The following PARPBP variants were observed in gnomAD, a reference collection of about 807,000 sequenced individuals.
The protein encoded by PARPBP is PCNA-interacting partner.
Under a neutral mutation model 50.0 loss-of-function variants are expected in PARPBP, and 52 were observed. The observed-to-expected ratio is 1.04, with a 90% CI of 0.83 to 1.31. PARPBP has a LOEUF of 1.31. Among genes scored for constraint, PARPBP ranks in the 50% most tolerant of loss-of-function variants. The pLI, the probability that PARPBP is intolerant of heterozygous loss-of-function variation, is 0.00. For missense variants in PARPBP, 697 were observed against 672.0 expected, an observed-to-expected ratio of 1.04 and a Z score of -0.41; for synonymous variants, 244 against 232.1, an observed-to-expected ratio of 1.05 and a Z score of -0.47.
Position 102,182,618 on chromosome 12 carries a change from A to G in PARPBP, c.1254A>G (p.Lys418=). The part of the protein sequence containing the change: ...RERICVSMQE[K]KIKMKQTLIR... ...GCATCTGTGTGTCAATGCAAGAGAAAAAAATTAAGGTACAATTTAATGCAT... is the reference window on the plus strand; with the variant it reads ...GCATCTGTGTGTCAATGCAAGAGAAGAAAATTAAGGTACAATTTAATGCAT... Residue 418 remains lysine (K), a synonymous_variant, in exon 9 of 11, where the codon AAA becomes AAG. Transcript: ENST00000327680. 1 of 1,607,094 alleles carries G rather than the reference A, an allele frequency of 6.2e-7. No homozygotes were observed. The highest frequency in any genetic ancestry group is 8.5e-7 in the Non-Finnish European group (1 of 1,174,224).
At chr12:102,143,442 A>G (rs918858488) in intron 2 of PARPBP, among the ~76,000 whole-genome samples, 2 of 152,140 alleles carry the variant, frequency 1.3e-5, no homozygotes, top group Non-Finnish European at 2.9e-5. Context: ...CCCGGGTGAG[A>G]TGATGCCCTG....
rs1249480272 is a variant in PARPBP at position 102,196,119 on chromosome 12, A to G, written c.1568A>G (p.Asp523Gly). 4 of 1,612,072 alleles carry G rather than the reference A, an allele frequency of 2.5e-6. No individual in the cohort carries two copies. Among genetic ancestry groups the G allele is most frequent in the African/African-American group, 2.7e-5 (2 of 74,838 alleles). ...TTGGATGGTGAAAATATTCTCTGTG[A>G]TAATAGAAATGAACCACCTCAACAT... ...VDLDGENILCDNRNEPPQHKN... is the reference protein window; with the variant it reads ...VDLDGENILCGNRNEPPQHKN... Residue 523 changes from aspartate to glycine, a missense_variant, in exon 11 of 11, where the codon GAT (aspartate) becomes GGT (glycine). By Grantham distance (94) the Asp-to-Gly change is moderately conservative. Transcript: ENST00000327680.
chr12:102,154,685 CAGAT>C (rs1419299854), intron 4 of PARPBP: 2 of 367,052 alleles, frequency 5.4e-6, no homozygotes, highest in East Asian at 7.4e-5. Context: ...CATCACATGA[CAGAT>C]AGAGAAGGAA....
intron 1 of PARPBP, among the ~76,000 whole-genome samples, chr12:102,121,786 C>T (rs189160432): frequency 1.3e-5 from 2 of 152,126 alleles, no homozygotes. Flanking sequence ...TTAGGTGAGC[C>T]TCGGCTTCCC....
intron 2 of PARPBP, among the ~76,000 whole-genome samples, chr12:102,133,717 G>T (rs10860840): frequency 0.39 from 58,427 of 151,686 alleles, 11,845 homozygotes; most frequent in African/African-American, 0.52. Context: ...CAGAACATTC[G>T]TCAAGATAGA....
intron 4 of PARPBP, among the ~76,000 whole-genome samples, chr12:102,160,887 G>A (rs1304423332): frequency 6.6e-6 from 1 of 151,996 alleles, no homozygotes; most frequent in Non-Finnish European, 1.5e-5. Flanking sequence ...GGCTGAGGTT[G>A]TGGTGAGCCG....
At chr12:102,132,458 G>GTGGATATATAT (rs1883013848) in intron 2 of PARPBP, among the ~76,000 whole-genome samples, 1 of 151,970 alleles carries the variant, frequency 6.6e-6, no homozygotes, top group South Asian at 2.1e-4. Context: ...AAAACCAATT[G>GTGGATATATAT]CCTGTAAATT....
chr12:102,191,378 A>G (rs951238241), intron 9 of PARPBP, among the ~76,000 whole-genome samples: 1 of 152,198 alleles, frequency 6.6e-6, no homozygotes, highest in African/African-American at 2.4e-5. Flanking sequence ...TACAATTAAT[A>G]TGTCATTAAG....
In PARPBP at chr12:102,197,515, C is replaced by A. The variant is rs764012377; in HGVS notation, c.*1224C>A. On this transcript the variant is annotated 3_prime_UTR_variant, in exon 11 of 11. Transcript: ENST00000327680. ...TGAAATAAACGACAAGTCACATTGC[C>A]ACTTACCTTTGAAACTTTATTTTCC... 5 of 1,597,290 alleles carry A rather than the reference C, an allele frequency of 3.1e-6. No individual in the cohort carries two copies. Among genetic ancestry groups the A allele is most frequent in the Non-Finnish European group, 4.3e-6 (5 of 1,173,510 alleles).
chr12:102,148,397 G>C lies in PARPBP; in HGVS notation c.321G>C (p.Leu107=), dbSNP rs778198735. Residue 107 remains leucine, a synonymous_variant, in exon 3 of 11, where the codon CTG becomes CTC. Coordinates refer to ENST00000327680, the MANE Select transcript of PARPBP (RefSeq NM_017915.5). ...TGAAGAACAGTAATATGTTAGATCTGATTGATGTTTATCAAAAATGTAGGG... is the reference window on the plus strand; with the variant it reads ...TGAAGAACAGTAATATGTTAGATCTCATTGATGTTTATCAAAAATGTAGGG... ...DFLKNSNMLD[L]IDVYQKCRAL... is the part of the protein sequence containing the mutation. 6 of 1,577,264 alleles carry C rather than the reference G, an allele frequency of 3.8e-6. No homozygotes were observed. The South Asian group carries it at 6.7e-5, about 18-fold the overall frequency.
chr12:102,139,179 A>C (rs1008690747), intron 2 of PARPBP, among the ~76,000 whole-genome samples: 1 of 152,124 alleles, frequency 6.6e-6, no homozygotes, highest in Non-Finnish European at 1.5e-5. Flanking sequence ...AGTGGTTTGT[A>C]GTTCTCCTTG....
Position 102,196,859 on chromosome 12 carries a change from A to G in PARPBP, c.*568A>G, listed in dbSNP as rs980009165. On this transcript the variant is annotated 3_prime_UTR_variant, in exon 11 of 11. Transcript: ENST00000327680. ...TAATCCCACATTTTTGGCAGGTGTAATTGAGCCATGGTCTTATTTGATTTT... is the reference window on the plus strand; with the variant it reads ...TAATCCCACATTTTTGGCAGGTGTAGTTGAGCCATGGTCTTATTTGATTTT... The G allele has an allele frequency of 4.6e-6, 5 of 1,090,752 alleles. No homozygotes were observed. The highest frequency in any genetic ancestry group is 6.8e-6 in the Non-Finnish European group (5 of 737,326). 67.6% of individuals were successfully genotyped at this position (1,090,752 alleles called of 1,614,324 possible).
chr12:102,136,027 T>C (rs1438475702), intron 2 of PARPBP, among the ~76,000 whole-genome samples: 1 of 151,362 alleles, frequency 6.6e-6, no homozygotes, highest in African/African-American at 2.4e-5. Flanking sequence ...TGTTTCCACA[T>C]CATTTTTTTT....
At chr12:102,130,730 C>T (rs1045883781) in intron 2 of PARPBP, among the ~76,000 whole-genome samples, 2 of 151,658 alleles carry the variant, frequency 1.3e-5, no homozygotes, top group African/African-American at 4.8e-5. Context: ...GGGCAGACGC[C>T]TGTAATCCCA....
At chr12:102,130,628 CG>C (rs1282361471) in intron 2 of PARPBP, among the ~76,000 whole-genome samples, 3 of 151,780 alleles carry the variant, frequency 2.0e-5, no homozygotes, top group Non-Finnish European at 4.4e-5. Flanking sequence ...CTGAGGCAGG[CG>C]GATCACTTGA....
intron 4 of PARPBP, among the ~76,000 whole-genome samples, chr12:102,154,517 C>T (rs559835079): frequency 3.3e-5 from 5 of 152,114 alleles, no homozygotes; most frequent in African/African-American, 7.2e-5. Flanking sequence ...GTAGTACTTA[C>T]GAAAACGGGG....
At chr12:102,129,902 C>T (rs1203654789) in intron 2 of PARPBP, among the ~76,000 whole-genome samples, 1 of 152,154 alleles carries the variant, frequency 6.6e-6, no homozygotes, top group Non-Finnish European at 1.5e-5. Flanking sequence ...TTTTAAAATT[C>T]CTATGGAACC....
intron 2 of PARPBP, among the ~76,000 whole-genome samples, chr12:102,133,742 A>AC (rs1883202532): frequency 6.6e-6 from 1 of 152,172 alleles, no homozygotes; most frequent in African/African-American, 2.4e-5. Context: ...ATGTTAGCCC[A>AC]CAAAACAAGT....
At chr12:102,139,911 G>T (rs188513101) in intron 2 of PARPBP, among the ~76,000 whole-genome samples, 2 of 152,178 alleles carry the variant, frequency 1.3e-5, no homozygotes, top group Admixed American at 6.5e-5. Flanking sequence ...ATTTTCGCAT[G>T]GATGTTCATC....
Sources: gnomAD v4.1 joint callset for allele counts (sites outside exome capture counted in the v4.1 genomes callset) on GRCh38, gnomAD v4.1.1 for gene constraint, MANE v1.5 for transcripts, NCBI Gene and HGNC (gene_info 2026-07-23, HGNC 2026-07-21) for gene names.